The following TENM3 variants were observed in gnomAD, a reference collection of about 807,000 sequenced individuals.
TENM3 encodes teneurin transmembrane protein 3, also known as teneurin-3.
In TENM3, 63 loss-of-function variants were observed where a neutral mutation model predicts 255.1. The observed-to-expected ratio is 0.25, with a 90% confidence interval of 0.20 to 0.30. The LOEUF (loss-of-function observed/expected upper bound fraction) is 0.30, where lower values mean the gene tolerates loss of function less well. Among genes scored for constraint, TENM3 ranks in the 10% least tolerant of loss-of-function variants. TENM3 has a pLI of 1.00. For synonymous variants in TENM3, 1,306 were observed against 1,322.3 expected (o/e 0.99, Z 0.27); for missense variants, 2,929 against 3,461.1 (o/e 0.85, Z 3.86).
chr4:181,934,787 A>G, the TENM3 span, among the ~76,000 whole-genome samples: 1 of 152,198 alleles, frequency 6.6e-6, no homozygotes, highest in East Asian at 1.9e-4. Flanking sequence ...TTAAGATCCT[A>G]GTGTTCGAGT....
At chr4:181,655,912 A>G in the TENM3 span, among the ~76,000 whole-genome samples, 1 of 152,180 alleles carries the variant, frequency 6.6e-6, no homozygotes, top group Non-Finnish European at 1.5e-5. Flanking sequence ...AAAATACCAC[A>G]AAACAAAGGG....
chr4:181,609,866 C>T, the TENM3 span, among the ~76,000 whole-genome samples: 1 of 152,038 alleles, frequency 6.6e-6, no homozygotes, highest in Non-Finnish European at 1.5e-5. Flanking sequence ...AAATTCCACA[C>T]TTTCAACAGA....
the TENM3 span, among the ~76,000 whole-genome samples, chr4:181,725,416 CT>C: frequency 2.9e-5 from 2 of 69,218 alleles, no homozygotes; most frequent in Non-Finnish European, 5.6e-5. Context: ...CATTCTTTTT[CT>C]TTCTTTTTTT....
the TENM3 span, among the ~76,000 whole-genome samples, chr4:181,865,972 C>T: frequency 6.6e-6 from 1 of 152,086 alleles, no homozygotes; most frequent in African/African-American, 2.4e-5. Flanking sequence ...ATACGAATGG[C>T]TCTAAATTGT....
chr4:182,753,731 T>C (rs1762528155), intron 21 of TENM3, 127 bp downstream of exon 21: 2 of 774,156 alleles, frequency 2.6e-6, no homozygotes, highest in Non-Finnish European at 3.9e-6. Context: ...GATAGGGCAG[T>C]TCCATTTACA....
intron 1 of TENM3, among the ~76,000 whole-genome samples, chr4:182,245,329 A>T (rs899209445): frequency 2.0e-5 from 3 of 152,202 alleles, no homozygotes; most frequent in African/African-American, 7.2e-5. Flanking sequence ...ATCATTTAGA[A>T]AAGTGAAAGA....
chr4:181,911,318 A>G, the TENM3 span, among the ~76,000 whole-genome samples: 1 of 152,192 alleles, frequency 6.6e-6, no homozygotes, highest in African/African-American at 2.4e-5. Context: ...TGGTTGACAA[A>G]CCTTTGAAGA....
At chr4:182,565,634 T>C (rs1281092903) in intron 3 of TENM3, among the ~76,000 whole-genome samples, 2 of 152,222 alleles carry the variant, frequency 1.3e-5, no homozygotes, top group Non-Finnish European at 2.9e-5. Flanking sequence ...ATCACAGTAC[T>C]ATAAATTTTT....
chr4:182,306,389 C>G (rs891435488), intron 1 of TENM3, among the ~76,000 whole-genome samples: 3 of 151,900 alleles, frequency 2.0e-5, no homozygotes, highest in African/African-American at 7.3e-5. Context: ...TTTGTACAGC[C>G]AAGTTACTTT....
At chr4:181,567,193 A>G in the TENM3 span, among the ~76,000 whole-genome samples, 10 of 152,220 alleles carry the variant, frequency 6.6e-5, no homozygotes, top group Non-Finnish European at 1.3e-4. Context: ...CTAAAAGCCT[A>G]TCTCTTCATC....
chr4:181,625,706 C>A, the TENM3 span, among the ~76,000 whole-genome samples: 1 of 151,316 alleles, frequency 6.6e-6, no homozygotes, highest in East Asian at 2.0e-4. Context: ...CCCAGCCACT[C>A]GGGAGACTGA....
At chr4:182,059,953 T>C in the TENM3 span, among the ~76,000 whole-genome samples, 1 of 150,438 alleles carries the variant, frequency 6.6e-6, no homozygotes, top group Admixed American at 6.6e-5. Context: ...AAAATCCTAG[T>C]CTATAGAATT....
intron 1 of TENM3, among the ~76,000 whole-genome samples, chr4:182,227,815 G>C (rs1756274714): frequency 6.6e-6 from 1 of 151,942 alleles, no homozygotes; most frequent in African/African-American, 2.4e-5. Flanking sequence ...CTGAGGTTCA[G>C]GGCTTTTGAA....
the TENM3 span, among the ~76,000 whole-genome samples, chr4:181,860,938 G>T: frequency 6.6e-6 from 1 of 152,036 alleles, no homozygotes; most frequent in Non-Finnish European, 1.5e-5. Context: ...TATACTCAAA[G>T]GTATCGCTCC....
At chr4:182,277,209 G>A (rs1045976753) in intron 1 of TENM3, among the ~76,000 whole-genome samples, 5 of 152,174 alleles carry the variant, frequency 3.3e-5, no homozygotes, top group African/African-American at 1.2e-4. Context: ...GGAGTTTGGT[G>A]GAATTAGTTT....
chr4:181,930,439 C>T, the TENM3 span, among the ~76,000 whole-genome samples: 1 of 152,246 alleles, frequency 6.6e-6, no homozygotes, highest in Admixed American at 6.5e-5. Context: ...ATTTCCTGGA[C>T]ACATACACCC....
chr4:181,490,795 AT>A, the TENM3 span, among the ~76,000 whole-genome samples: 5 of 152,104 alleles, frequency 3.3e-5, no homozygotes, highest in Non-Finnish European at 7.4e-5. Flanking sequence ...CTATAATGTG[AT>A]GTGTGCTGTG....
At position 182,709,144 on chromosome 4, in the gene TENM3, C is replaced by T. The variant is rs376817224; in HGVS notation, c.2222-4943C>T. On this transcript the variant is annotated intron_variant, in intron 12 of 27. Transcript: ENST00000511685. ...ACTACAGGCACGCACCACCACACCCCGCTAATTTTTGTATTTTTGGTAGAG... is the reference window on the plus strand; with the variant it reads ...ACTACAGGCACGCACCACCACACCCTGCTAATTTTTGTATTTTTGGTAGAG... 3.4e-3 allele frequency among the ~76,000 whole-genome samples: 523 copies of T among 151,638 alleles called. 1 individual carries two copies. Among genetic ancestry groups the T allele is most frequent in the African/African-American group, 0.012 (490 of 41,348 alleles).
intron 2 of TENM3, among the ~76,000 whole-genome samples, chr4:182,329,235 G>C (rs552258017): frequency 1.3e-5 from 2 of 152,320 alleles, no homozygotes; most frequent in African/African-American, 4.8e-5. Flanking sequence ...TGTGCCAGAA[G>C]AGAGTGTGGA....
Sources: allele counts gnomAD v4.1 joint callset (sites outside exome capture counted in the v4.1 genomes callset), GRCh38; gene constraint gnomAD v4.1.1; transcripts MANE v1.5; gene names NCBI Gene and HGNC (gene_info 2026-07-23, HGNC 2026-07-21).